RAI14: variants seen among roughly 807,000 people sequenced by gnomAD.
The protein encoded by RAI14 is retinoic acid induced 14.
RAI14 carries 45 observed loss-of-function variants against 115.4 expected under a neutral mutation model. The ratio of observed to expected loss-of-function variants is 0.39; its 90% CI spans 0.31 to 0.50. The LOEUF (loss-of-function observed/expected upper bound fraction) is 0.50, where lower values mean the gene tolerates loss of function less well. Ranked by LOEUF, RAI14 falls within the 20% of genes least tolerant of loss-of-function variation. RAI14 has a pLI of 0.85. For missense variants in RAI14, 939 were observed against 1,131.2 expected, an observed-to-expected ratio of 0.83 and a Z score of 2.44; for synonymous variants, 371 against 415.4, an observed-to-expected ratio of 0.89 and a Z score of 1.30.
intron 3 of RAI14, among the ~76,000 whole-genome samples, chr5:34,760,844 A>T (rs1748554781): frequency 6.6e-6 from 1 of 152,210 alleles, no homozygotes; most frequent in Non-Finnish European, 1.5e-5. Flanking sequence ...TAGTTCTAGA[A>T]CTTTCTAATC....
At chr5:34,755,075 G>C (rs185205215) in intron 2 of RAI14, among the ~76,000 whole-genome samples, 1 of 151,852 alleles carries the variant, frequency 6.6e-6, no homozygotes, top group East Asian at 1.9e-4. Context: ...AGGGATCATT[G>C]GTCCTAAATG....
intron 2 of RAI14, among the ~76,000 whole-genome samples, chr5:34,744,410 G>A (rs1191489538): frequency 6.6e-6 from 1 of 152,106 alleles, no homozygotes; most frequent in Admixed American, 6.5e-5. Context: ...TTTAGGTGTG[G>A]TTCCTGTGTT....
intron 2 of RAI14, among the ~76,000 whole-genome samples, chr5:34,752,365 G>C (rs958550928): frequency 1.3e-5 from 2 of 152,104 alleles, no homozygotes; most frequent in African/African-American, 4.8e-5. Flanking sequence ...GAGCACCATG[G>C]GGGTAAGAAA....
At chr5:34,752,561 G>T (rs1422645262) in intron 2 of RAI14, among the ~76,000 whole-genome samples, 2 of 152,000 alleles carry the variant, frequency 1.3e-5, no homozygotes, top group South Asian at 4.2e-4. Flanking sequence ...GGAAAGGGTG[G>T]AGAGGGCCCG....
chr5:34,809,377 C>T (rs951689121), intron 7 of RAI14, among the ~76,000 whole-genome samples: 4 of 152,136 alleles, frequency 2.6e-5, no homozygotes, highest in African/African-American at 4.8e-5. Context: ...TCCTAGAAAA[C>T]GTAGCATTCC....
At chr5:34,796,534 T>C (rs1221724521) in intron 4 of RAI14, among the ~76,000 whole-genome samples, 1 of 152,208 alleles carries the variant, frequency 6.6e-6, no homozygotes, top group East Asian at 1.9e-4. Context: ...TTCATGTGGT[T>C]AGTCAACTAG....
intron 3 of RAI14, among the ~76,000 whole-genome samples, chr5:34,780,195 A>T (rs1751433091): frequency 1.3e-5 from 2 of 152,260 alleles, no homozygotes; most frequent in South Asian, 4.1e-4. Context: ...ACTGGATCCC[A>T]TCCTTACACC....
intron 2 of RAI14, among the ~76,000 whole-genome samples, chr5:34,714,628 A>C (rs991214227): frequency 6.6e-6 from 1 of 152,236 alleles, no homozygotes; most frequent in African/African-American, 2.4e-5. Context: ...GGCATATAAT[A>C]ATAATTAACC....
intron 3 of RAI14, among the ~76,000 whole-genome samples, chr5:34,783,005 C>G (rs952609246): frequency 2.6e-5 from 4 of 152,124 alleles, no homozygotes; most frequent in African/African-American, 9.7e-5. Flanking sequence ...ATTATAGGAG[C>G]AGATTTATAA....
At chr5:34,763,626 A>G (rs74821338) in intron 3 of RAI14, among the ~76,000 whole-genome samples, 7,286 of 152,302 alleles carry the variant, frequency 0.048, 359 homozygotes, top group African/African-American at 0.13. Flanking sequence ...GACAAGGCCA[A>G]TGAAAATACT....
intron 3 of RAI14, among the ~76,000 whole-genome samples, chr5:34,777,646 G>C (rs975024516): frequency 2.6e-5 from 4 of 152,002 alleles, no homozygotes; most frequent in African/African-American, 9.7e-5. Flanking sequence ...GGGCTTGGTG[G>C]TTCATACCTG....
In RAI14 at chr5:34,824,210, G is replaced by A. The variant is rs775193269; in HGVS notation, c.2368G>A (p.Glu790Lys). The change falls in exon 15 of 18, where the codon GAA becomes AAA. Residue 790 changes from glutamate to lysine, a missense_variant. Glu to Lys is a moderately conservative substitution (Grantham distance 56). Transcript: ENST00000265109. Reference sequence around the variant, plus strand: ...TGCAATGGTACCTCGGTCTTCCTATGAAAAACTCCAGTCATCCTTAGAGAG... The same window carrying A: ...TGCAATGGTACCTCGGTCTTCCTATAAAAAACTCCAGTCATCCTTAGAGAG... ...TDAMVPRSSY[E>K]KLQSSLESEV... 1 of 1,614,094 alleles carries A rather than the reference G, an allele frequency of 6.2e-7. No individual in the cohort carries two copies. Among genetic ancestry groups the A allele is most frequent in the African/African-American group, 1.3e-5 (1 of 74,942 alleles).
chr5:34,682,012 C>T (rs894633788), intron 1 of RAI14, among the ~76,000 whole-genome samples: 3 of 152,010 alleles, frequency 2.0e-5, no homozygotes, highest in Non-Finnish European at 4.4e-5. Context: ...TGCGCCACCA[C>T]GCCCGGCTAA....
chr5:34,826,173 A>T, intron 15 of RAI14, 157 bp from the exon 16 acceptor site: 1 of 557,644 alleles, frequency 1.8e-6, no homozygotes, highest in Non-Finnish European at 2.8e-6. Context: ...ATTTCATTTT[A>T]TGAGTTTTTT....
chr5:34,720,560 G>A (rs1346203603), intron 2 of RAI14, among the ~76,000 whole-genome samples: 5 of 151,696 alleles, frequency 3.3e-5, no homozygotes, highest in African/African-American at 9.7e-5. Context: ...ATAGGCGCCC[G>A]CCACCACGCC....
At chr5:34,701,618 A>G (rs1335265373) in intron 2 of RAI14, among the ~76,000 whole-genome samples, 4 of 152,172 alleles carry the variant, frequency 2.6e-5, no homozygotes, top group Non-Finnish European at 5.9e-5. Flanking sequence ...CCCGCCTTAC[A>G]GTTGTCAAAC....
At chr5:34,712,940 A>C (rs564524327) in intron 2 of RAI14, among the ~76,000 whole-genome samples, 1 of 152,146 alleles carries the variant, frequency 6.6e-6, no homozygotes, top group Non-Finnish European at 1.5e-5. Flanking sequence ...CAGCTTTAGG[A>C]AGAATTATGT....
chr5:34,777,006 T>C (rs1561347890), intron 3 of RAI14, among the ~76,000 whole-genome samples: 1 of 151,554 alleles, frequency 6.6e-6, no homozygotes, highest in African/African-American at 2.4e-5. Context: ...CCATCTCTAC[T>C]AAAAAAATAC....
intron 2 of RAI14, among the ~76,000 whole-genome samples, chr5:34,752,703 ATGTGTG>A (rs71600953): frequency 0.17 from 13,978 of 82,888 alleles, 1,076 homozygotes; most frequent in African/African-American, 0.21. Flanking sequence ...TCTTACATAT[ATGTGTG>A]TGTGTGTGTG....
Sources: gnomAD v4.1 joint callset for allele counts (sites outside exome capture counted in the v4.1 genomes callset) on GRCh38, gnomAD v4.1.1 for gene constraint, MANE v1.5 for transcripts, NCBI Gene and HGNC (gene_info 2026-07-23, HGNC 2026-07-21) for gene names.